The following ROCK2 variants were observed in gnomAD, a reference collection of about 807,000 sequenced individuals.
The protein encoded by ROCK2 is Rho associated coiled-coil containing protein kinase 2.
ROCK2 carries 61 observed loss-of-function variants against 195.1 expected under a neutral mutation model. That is an observed-to-expected ratio of 0.31 (90% confidence interval 0.25 to 0.39). The LOEUF (loss-of-function observed/expected upper bound fraction) is 0.39, where lower values mean the gene tolerates loss of function less well. ROCK2 is among the 10% of genes least tolerant of loss of function. The pLI is 1.00. For missense variants in ROCK2, 1,109 were observed against 1,637.4 expected (o/e 0.68, Z 5.57); for synonymous variants, 504 against 545.5 (o/e 0.92, Z 1.06).
chr2:11,216,261 G>A, intron 12 of ROCK2, 55 bp from the exon 13 acceptor site: 1 of 1,249,168 alleles, frequency 8.0e-7, no homozygotes, highest in South Asian at 1.3e-5. Context: ...ATAAAACATA[G>A]TCTATAAATT....
chr2:11,344,069 C>T lies in ROCK2; in HGVS notation c.68G>A (p.Gly23Asp), dbSNP rs779937083. 1.3e-6 allele frequency: 2 copies of T among 1,556,648 alleles called. No homozygotes were observed. Among genetic ancestry groups the T allele is most frequent in the East Asian group, 2.6e-5 (1 of 39,110 alleles). ...CTCCAGCTTCCTCTGGCGGCTCGCG[C>T]CTGCCCCGTCCCCCGGCGCGGTCTC... ...APETAPGDGA[G>D]ASRQRKLEAL... Residue 23 changes from glycine (G) to aspartate (D), a missense_variant, in exon 1 of 33, where the codon GGC becomes GAC. Transcript: ENST00000315872. The surrounding 1 kb of genome is among the most constrained non-coding windows in gnomAD (Gnocchi z 5.4).
intron 3 of ROCK2, among the ~76,000 whole-genome samples, chr2:11,265,158 T>C (rs1356585815): frequency 6.6e-6 from 1 of 151,222 alleles, no homozygotes; most frequent in Admixed American, 6.6e-5. Flanking sequence ...CTGGCTGGCA[T>C]GTTACAACTG....
At chr2:11,251,988 C>T (rs1039252558) in intron 3 of ROCK2, among the ~76,000 whole-genome samples, 2 of 152,022 alleles carry the variant, frequency 1.3e-5, no homozygotes, top group Non-Finnish European at 2.9e-5. Context: ...GTTAGAATGG[C>T]AATCATTAAA....
In ROCK2 at chr2:11,181,284, C is replaced by T. The variant is rs974386003; in HGVS notation, c.*2153G>A. 6.7e-6 allele frequency: 1 copy of T among 149,046 alleles called. No individual in the cohort carries two copies. Among genetic ancestry groups the T allele is most frequent in the African/African-American group, 2.5e-5 (1 of 40,796 alleles). The allele number at this position is 149,046 out of a possible 1,614,324, so 9.2% of individuals were successfully genotyped here. On this transcript the variant is annotated 3_prime_UTR_variant, in exon 33 of 33. Coordinates refer to ENST00000315872, the MANE Select transcript of ROCK2 (RefSeq NM_004850.5). The stretch of plus-strand genomic sequence containing the variant: ...TTATATAAAATATTAATTCAGTCTC[C>T]TTTTAACAACTCTAATGAATGGAAA...
chr2:11,280,189 A>T (rs940931192), intron 3 of ROCK2, among the ~76,000 whole-genome samples: 2 of 152,116 alleles, frequency 1.3e-5, no homozygotes, highest in Non-Finnish European at 2.9e-5. Context: ...ACAAAAATCA[A>T]TGAAACTAAA....
chr2:11,313,329 A>T (rs1356449543), intron 1 of ROCK2, among the ~76,000 whole-genome samples: 2 of 152,070 alleles, frequency 1.3e-5, no homozygotes, highest in Non-Finnish European at 2.9e-5. Flanking sequence ...CTAACAAGAA[A>T]GACTCTGACC....
At chr2:11,239,390 T>C (rs989593253) in intron 4 of ROCK2, among the ~76,000 whole-genome samples, 8 of 152,178 alleles carry the variant, frequency 5.3e-5, no homozygotes, top group East Asian at 1.9e-4. Flanking sequence ...AGAATAGCTA[T>C]ACTAAAAAAG....
chr2:11,234,566 T>C (rs1436700754), intron 5 of ROCK2: 2 of 152,074 alleles, frequency 1.3e-5, no homozygotes, highest in Non-Finnish European at 2.9e-5. Flanking sequence ...CTATTAAACA[T>C]TGATTAAGGG....
chr2:11,206,817 A>G (rs1202100071), intron 20 of ROCK2, among the ~76,000 whole-genome samples: 1 of 152,248 alleles, frequency 6.6e-6, no homozygotes, highest in Non-Finnish European at 1.5e-5. Context: ...GATCCCTAAC[A>G]AGGAAGCTAT....
At chr2:11,296,599 C>A (rs147300648) in intron 1 of ROCK2, among the ~76,000 whole-genome samples, 1 of 152,132 alleles carries the variant, frequency 6.6e-6, no homozygotes, top group Non-Finnish European at 1.5e-5. Context: ...CACCTAAATA[C>A]ACACTATGCA....
At chr2:11,278,020 T>C (rs1006576953) in intron 3 of ROCK2, among the ~76,000 whole-genome samples, 3 of 152,228 alleles carry the variant, frequency 2.0e-5, no homozygotes, top group East Asian at 1.9e-4. Flanking sequence ...GAAGTAAGTA[T>C]ATGCTGTAGA....
chr2:11,197,082 TACAA>T lies in ROCK2; in HGVS notation c.3448+94_3448+97del, dbSNP rs1663667156. ...GGAGTAGGTTTTCCCTTAAAGAAAT[TACAA>T]ACATTTTTCCTTCAGAGCAGTCAGT... On this transcript the variant is annotated intron_variant, in intron 27 of 32. Coordinates refer to ENST00000315872, the MANE Select transcript of ROCK2 (RefSeq NM_004850.5). The surrounding 1 kb of genome is among the most constrained non-coding windows in gnomAD (Gnocchi z 4.9). 2.7e-6 allele frequency: 2 copies of T among 730,970 alleles called. No homozygotes were observed. The highest frequency in any genetic ancestry group is 1.9e-5 in the African/African-American group (1 of 54,028). 45.3% of individuals were successfully genotyped at this position (730,970 alleles called of 1,614,324 possible). A position where few individuals can be genotyped will look rare whatever the true frequency, so the allele number is the denominator to read the frequency against.
In ROCK2 at chr2:11,192,465, A is replaced by C; in HGVS notation, c.3935T>G (p.Ile1312Arg). The change falls in exon 31 of 33, where the codon ATA becomes AGA. Residue 1312 changes from isoleucine (I) to arginine (R), a missense_variant. By Grantham distance (97) the Ile-to-Arg change is moderately conservative (BLOSUM62 -3). Coordinates refer to ENST00000315872, the MANE Select transcript of ROCK2 (RefSeq NM_004850.5). This position sits in a 1 kb window ranked among gnomAD's most constrained non-coding sequence, Gnocchi z 5.0. ...TTATCATTTACCTTTGCAAGGTGCT[A>C]TAATCTCCTCCTTTTTGTCCATATG... is the stretch of plus-strand genomic sequence containing the variant. ...KDHMDKKEEI[I>R]APCKVYYDIS... The C allele has an allele frequency of 6.2e-7, 1 of 1,614,140 alleles. No individual in the cohort carries two copies. Among genetic ancestry groups the C allele is most frequent in the Non-Finnish European group, 8.5e-7 (1 of 1,179,990 alleles).
In ROCK2 at chr2:11,201,958, C is replaced by G; in HGVS notation, c.2619+94G>C. On this transcript the variant is annotated intron_variant, in intron 21 of 32. Transcript: ENST00000315872. The surrounding 1 kb of genome is among the most constrained non-coding windows in gnomAD (Gnocchi z 4.6). ...CTTAAACTATCTACATTCTTTTGCC[C>G]AGCTGCTCTTTTTATATGAGTTGTA... is the stretch of plus-strand genomic sequence containing the variant. The G allele has an allele frequency of 1.1e-6, 1 of 894,238 alleles. No homozygotes were observed. Among genetic ancestry groups the G allele is most frequent in the Non-Finnish European group, 1.8e-6 (1 of 540,754 alleles). The allele number at this position is 894,238 out of a possible 1,614,324, so 55.4% of individuals were successfully genotyped here.
Position 11,192,775 on chromosome 2 carries a change from T to C in ROCK2, c.3688-63A>G. ...ATGCTATTTTTTTATGTAGGAACAA[T>C]TCTGATAGTGTAAGTAAAATAAAAT... On this transcript the variant is annotated intron_variant, in intron 30 of 32. Coordinates refer to ENST00000315872, the MANE Select transcript of ROCK2 (RefSeq NM_004850.5). The surrounding 1 kb of genome is among the most constrained non-coding windows in gnomAD (Gnocchi z 5.0). 2.7e-6 allele frequency: 4 copies of C among 1,497,948 alleles called. No individual in the cohort carries two copies. The highest frequency in any genetic ancestry group is 3.6e-6 in the Non-Finnish European group (4 of 1,113,680). 92.8% of individuals were successfully genotyped at this position (1,497,948 alleles called of 1,614,324 possible).
At chr2:11,310,495 A>G (rs186730592) in intron 1 of ROCK2, among the ~76,000 whole-genome samples, 4 of 152,284 alleles carry the variant, frequency 2.6e-5, no homozygotes, top group Non-Finnish European at 2.9e-5. Context: ...CAACTCATTG[A>G]CTCGTAGATA....
intron 4 of ROCK2, among the ~76,000 whole-genome samples, chr2:11,248,038 T>C (rs1051458632): frequency 6.6e-6 from 1 of 151,582 alleles, no homozygotes; most frequent in African/African-American, 2.4e-5. Flanking sequence ...AAAAAAAAAA[T>C]TATCATGGTA....
intron 3 of ROCK2, among the ~76,000 whole-genome samples, chr2:11,253,838 C>T (rs185209471): frequency 8.5e-4 from 130 of 152,340 alleles, no homozygotes; most frequent in African/African-American, 2.9e-3. Flanking sequence ...ACATGTACAG[C>T]TAATACTTAT....
intron 10 of ROCK2, among the ~76,000 whole-genome samples, 185 bp downstream of exon 10, chr2:11,218,781 G>A (rs560171468): frequency 1.3e-5 from 2 of 152,302 alleles, no homozygotes; most frequent in East Asian, 3.9e-4. Context: ...TAGCCATCAT[G>A]TCTTGAATAA....
Sources: allele counts gnomAD v4.1 joint callset (sites outside exome capture counted in the v4.1 genomes callset), GRCh38; gene constraint gnomAD v4.1.1; non-coding constraint Gnocchi (gnomAD v3.1); transcripts MANE v1.5; gene names NCBI Gene and HGNC (gene_info 2026-07-23, HGNC 2026-07-21).